Variants in MYO7B observed in about 807,000 individuals in gnomAD.
MYO7B encodes the protein myosin VIIB, also known as unconventional myosin-VIIb.
A neutral mutation model predicts 259.7 loss-of-function variants in MYO7B; 212 were observed. The observed-to-expected ratio is 0.82, with a 90% CI of 0.73 to 0.91. The LOEUF is 0.91. MYO7B is among the 40% of genes least tolerant of loss of function. The probability of loss-of-function intolerance (pLI) is 0.00; values close to 1 mark genes in which losing one functional copy is unlikely to be tolerated. For missense variants in MYO7B, 2,732 were observed against 2,813.5 expected, an observed-to-expected ratio of 0.97 and a Z score of 0.66; for synonymous variants, 1,197 against 1,166.4, an observed-to-expected ratio of 1.03 and a Z score of -0.54.
In MYO7B at chr2:127,637,304, T is replaced by G. The variant is rs1681901506; in HGVS notation, c.6328-12T>G. 6.5e-7 allele frequency: 1 copy of G among 1,539,550 alleles called. No individual in the cohort carries two copies. The highest frequency in any genetic ancestry group is 8.8e-7 in the Non-Finnish European group (1 of 1,134,292). The stretch of plus-strand genomic sequence containing the variant: ...GCACCCACAGCCTCTGACCCCCCCG[T>G]CCCCTGTCCAGGGCTATAAGATGGA... On this transcript the variant is annotated splice_polypyrimidine_tract_variant and intron_variant, in intron 47 of 47. Transcript: ENST00000409816.
At position 127,577,209 on chromosome 2, in the gene MYO7B, T is replaced by G. The variant is rs1678905738; in HGVS notation, c.849+501T>G. 6.6e-6 allele frequency among the ~76,000 whole-genome samples: 1 copy of G among 152,142 alleles called. No homozygotes were observed. The highest frequency in any genetic ancestry group is 1.5e-5 in the Non-Finnish European group (1 of 68,012). On this transcript the variant is annotated intron_variant, in intron 8 of 47. Transcript: ENST00000409816. This position sits in a 1 kb window ranked among gnomAD's most constrained non-coding sequence, Gnocchi z 5.2. The stretch of plus-strand genomic sequence containing the variant: ...TGGCCCTCAGGAGAACTGCGCCTCC[T>G]GGTTTATTGACCACAGAGTGGACCC...
chr2:127,555,267 A>C (rs1212946298), intron 1 of MYO7B, among the ~76,000 whole-genome samples: 1 of 151,670 alleles, frequency 6.6e-6, no homozygotes, highest in Non-Finnish European at 1.5e-5. Flanking sequence ...TCTTATTTTG[A>C]TCTTCTCTCT....
rs1681311452 is a variant in MYO7B at position 127,628,979 on chromosome 2, C to T, written c.4624+444C>T. 6.6e-6 allele frequency among the ~76,000 whole-genome samples: 1 copy of T among 152,258 alleles called. No individual in the cohort carries two copies. The highest frequency in any genetic ancestry group is 1.5e-5 in the Non-Finnish European group (1 of 68,042). ...GGGGTGGGAGCCTAGTTCTTGGCCA[C>T]AGCTCTCCCACAAGCCAGCACTCCA... On this transcript the variant is annotated intron_variant, in intron 34 of 47. Coordinates refer to ENST00000409816, the MANE Select transcript of MYO7B (RefSeq NM_001393586.1). The surrounding 1 kb of genome is among the most constrained non-coding windows in gnomAD (Gnocchi z 4.8).
Position 127,618,632 on chromosome 2 carries a change from T to C in MYO7B, c.3399-1708T>C, listed in dbSNP as rs111415884. On this transcript the variant is annotated intron_variant, in intron 26 of 47. Transcript: ENST00000409816. Reference sequence around the variant, plus strand: ...TTTGCTCATATAGCCTCCAGTGGTATACTGAGCTGATCACGACCCTCACTC... The same window carrying C: ...TTTGCTCATATAGCCTCCAGTGGTACACTGAGCTGATCACGACCCTCACTC... 8.5e-3 allele frequency among the ~76,000 whole-genome samples: 1,292 copies of C among 152,346 alleles called. 20 individuals are homozygous for C. The highest frequency in any genetic ancestry group is 0.029 in the African/African-American group (1,214 of 41,582).
In MYO7B at chr2:127,582,429, A is replaced by G; in HGVS notation, c.1326A>G (p.Glu442=). The part of the protein sequence containing the change: ...AIGLLDIFGF[E]NFENNSFEQL... The stretch of plus-strand genomic sequence containing the variant: ...GCCTCCTGGACATATTTGGCTTTGA[A>G]AATTTCGAGAACAATAGGTATGAAG... Residue 442 remains glutamate, a synonymous_variant, in exon 12 of 48, where the codon GAA becomes GAG. Transcript: ENST00000409816. 1 of 1,613,160 alleles carries G rather than the reference A, an allele frequency of 6.2e-7. No individual in the cohort carries two copies. Among genetic ancestry groups the G allele is most frequent in the Admixed American group, 1.7e-5 (1 of 59,940 alleles).
chr2:127,628,924 A>G lies in MYO7B; in HGVS notation c.4624+389A>G, dbSNP rs1681307591. ...GTGAGGCCAGAGGCCCAGAGATGGA[A>G]GTAGCTCACCCAGGGTCACACAGCT... is the stretch of plus-strand genomic sequence containing the variant. On this transcript the variant is annotated intron_variant, in intron 34 of 47. Transcript: ENST00000409816. This position sits in a 1 kb window ranked among gnomAD's most constrained non-coding sequence, Gnocchi z 4.8. Among the ~76,000 whole-genome samples, 2 of 152,210 alleles carry G rather than the reference A, an allele frequency of 1.3e-5. No individual in the cohort carries two copies. The highest frequency in any genetic ancestry group is 1.3e-4 in the Admixed American group (2 of 15,284).
intron 2 of MYO7B, 48 bp from the exon 3 acceptor site, chr2:127,564,105 G>C: frequency 7.6e-7 from 1 of 1,316,012 alleles, no homozygotes; most frequent in African/African-American, 1.4e-5. Flanking sequence ...CAGCAGGGAG[G>C]GGAAGAGAGA....
In MYO7B at chr2:127,612,258, C is replaced by T. The variant is rs752416623; in HGVS notation, c.3201C>T (p.Gly1067=). Residue 1067 remains glycine, a synonymous_variant, in exon 25 of 48, where the codon GGC becomes GGT. Coordinates refer to ENST00000409816, the MANE Select transcript of MYO7B (RefSeq NM_001393586.1). ...ACTGTCTCCCTCCACAGAGATCTGG[C>T]TGCAAGGACAAGGGGACCAAGGATA... ...PQHSRSAQRS[G]CKDKGTKDIS... The T allele has an allele frequency of 4.9e-5, 33 of 669,918 alleles. No individual in the cohort carries two copies. Among genetic ancestry groups the T allele is most frequent in the Middle Eastern group, 4.9e-4 (2 of 4,118 alleles). The allele number at this position is 669,918 out of a possible 1,614,324, so 41.5% of individuals were successfully genotyped here.
intron 19 of MYO7B, among the ~76,000 whole-genome samples, chr2:127,602,649 C>G (rs182663069): frequency 1.8e-4 from 28 of 151,470 alleles, no homozygotes; most frequent in African/African-American, 4.6e-4. Flanking sequence ...GACCCTGTCT[C>G]CAAAAAAGAA....
chr2:127,598,056 A>T (rs1031743585), intron 19 of MYO7B, among the ~76,000 whole-genome samples: 7 of 152,220 alleles, frequency 4.6e-5, no homozygotes, highest in Admixed American at 3.9e-4. Flanking sequence ...GCTTTGATGA[A>T]TAAAGCTGTT....
intron 36 of MYO7B, 105 bp downstream of exon 36, chr2:127,631,013 T>A: frequency 7.3e-7 from 1 of 1,368,964 alleles, no homozygotes; most frequent in Non-Finnish European, 9.9e-7. Flanking sequence ...TTGCACCCAC[T>A]GAGAGCTGCA....
chr2:127,565,439 C>G (rs535065543), intron 4 of MYO7B, 54 bp downstream of exon 4: 1 of 1,596,050 alleles, frequency 6.3e-7, no homozygotes, highest in African/African-American at 1.3e-5. Flanking sequence ...GTGCCAACCT[C>G]CTGGACAGGG....
At chr2:127,629,562 G>A in intron 34 of MYO7B, 83 bp from the exon 35 acceptor site, 4 of 1,377,280 alleles carry the variant, frequency 2.9e-6, no homozygotes, top group Non-Finnish European at 4.0e-6. Context: ...GGTTTCATCT[G>A]TCAAAGGAGA....
rs1217786522 is a variant in MYO7B, at chr2:127,623,331, A to G, written c.3775A>G (p.Ser1259Gly). Residue 1259 changes from serine to glycine, a missense_variant, in exon 29 of 48, where the codon AGC becomes GGC. Physicochemically the swap from Ser to Gly is moderately conservative, Grantham distance 56. Coordinates refer to ENST00000409816, the MANE Select transcript of MYO7B (RefSeq NM_001393586.1). ...CMHIAHKQGL[S>G]DHLGFSLQVA... ...GCACATCGCTCACAAGCAGGGCCTCAGCGACCACCTGGGCTTCTCCCTCCA... is the reference window on the plus strand; with the variant it reads ...GCACATCGCTCACAAGCAGGGCCTCGGCGACCACCTGGGCTTCTCCCTCCA... The G allele has an allele frequency of 6.2e-7, 1 of 1,610,244 alleles. No homozygotes were observed. Among genetic ancestry groups the G allele is most frequent in the East Asian group, 2.2e-5 (1 of 44,800 alleles).
rs1460837109 is a variant in MYO7B, at chr2:127,628,039, CAG to C, written c.4461-330_4461-329del. On this transcript the variant is annotated intron_variant, in intron 33 of 47. Transcript: ENST00000409816. This position sits in a 1 kb window ranked among gnomAD's most constrained non-coding sequence, Gnocchi z 4.8. ...TGAAGCACGCCGAGGTTAGGTGGCTCAGAGTAAGCACATGGCAGAGCCGGCAG... is the reference window on the plus strand; with the variant it reads ...TGAAGCACGCCGAGGTTAGGTGGCTCAGTAAGCACATGGCAGAGCCGGCAG... 3 of 528,944 alleles carry C rather than the reference CAG, an allele frequency of 5.7e-6. No individual in the cohort carries two copies. The highest frequency in any genetic ancestry group is 3.1e-5 in the South Asian group (2 of 65,238). The allele number at this position is 528,944 out of a possible 1,614,324, so 32.8% of individuals were successfully genotyped here.
At chr2:127,634,528 C>T (rs1256545663) in intron 41 of MYO7B, 68 bp from the exon 42 acceptor site, 6 of 1,420,142 alleles carry the variant, frequency 4.2e-6, no homozygotes, top group Admixed American at 1.9e-5. Context: ...TGGACCAGAA[C>T]CCAGCAGGTT....
chr2:127,559,802 T>C lies in MYO7B; in HGVS notation c.18+62T>C. On this transcript the variant is annotated intron_variant, in intron 2 of 47. Coordinates refer to ENST00000409816, the MANE Select transcript of MYO7B (RefSeq NM_001393586.1). This position sits in a 1 kb window ranked among gnomAD's most constrained non-coding sequence, Gnocchi z 4.1. ...GTAAGTTACTCAAGGCCAAGTTGAA[T>C]CGCTCCCAAGGAAAGAGAGGAAAGG... 6.3e-7 allele frequency: 1 copy of C among 1,584,774 alleles called. No homozygotes were observed. The highest frequency in any genetic ancestry group is 8.7e-7 in the Non-Finnish European group (1 of 1,153,522).
In MYO7B at chr2:127,633,263, G is replaced by A; in HGVS notation, c.5411G>A (p.Gly1804Glu). The A allele has an allele frequency of 4.3e-6, 7 of 1,609,524 alleles. No individual in the cohort carries two copies. Among genetic ancestry groups the A allele is most frequent in the Non-Finnish European group, 5.9e-6 (7 of 1,178,608 alleles). Residue 1804 changes from glycine to glutamate, a missense_variant, in exon 40 of 48, where the codon GGG becomes GAG. By Grantham distance (98) the Gly-to-Glu change is moderately conservative. Around this residue, in one of 3 missense-constraint regions of MYO7B, gnomAD observed 821 missense variants for 769.3 expected, o/e 1.07. Transcript: ENST00000409816. The stretch of plus-strand genomic sequence containing the variant: ...GCACACGCTGTCCCCCTCAGGACGG[G>A]GCCCCGGAAGCAGCCCCCGCACCAG... The part of the protein sequence containing the change: ...SRRIQKVLRT[G>E]PRKQPPHQVE...
chr2:127,537,878 G>C (rs1692851136), intron 1 of MYO7B, among the ~76,000 whole-genome samples: 1 of 152,222 alleles, frequency 6.6e-6, no homozygotes, highest in Non-Finnish European at 1.5e-5. Flanking sequence ...TGAATGAATG[G>C]AGTAGCTAGC....
Sources: allele counts gnomAD v4.1 joint callset (sites outside exome capture counted in the v4.1 genomes callset), GRCh38; gene constraint gnomAD v4.1.1; regional missense constraint gnomAD v4.1.1; non-coding constraint Gnocchi (gnomAD v3.1); transcripts MANE v1.5; gene names NCBI Gene and HGNC (gene_info 2026-07-23, HGNC 2026-07-21).